The following NSMCE1 variants were observed in gnomAD, a reference collection of about 807,000 sequenced individuals.
The protein encoded by NSMCE1 is NSE1 component of SMC5/6 complex, also known as non-structural maintenance of chromosomes element 1 homolog.
Under a neutral mutation model 29.6 loss-of-function variants are expected in NSMCE1, and 18 were observed. That is an observed-to-expected ratio of 0.61 (90% CI 0.42 to 0.90). NSMCE1 has a LOEUF of 0.90. Ranked by LOEUF, NSMCE1 falls within the 40% of genes least tolerant of loss-of-function variation. The pLI is 0.00. For missense variants in NSMCE1, 314 were observed against 343.6 expected, an observed-to-expected ratio of 0.91 and a Z score of 0.68; for synonymous variants, 124 against 133.4, an observed-to-expected ratio of 0.93 and a Z score of 0.49.
intron 1 of NSMCE1, among the ~76,000 whole-genome samples, chr16:27,263,761 A>G (rs1466818451): frequency 6.6e-6 from 1 of 152,248 alleles, no homozygotes; most frequent in Non-Finnish European, 1.5e-5. Flanking sequence ...TTCAACATGT[A>G]CCTACACCAA....
chr16:27,263,239 C>G (rs2084181272), intron 1 of NSMCE1, among the ~76,000 whole-genome samples: 1 of 152,156 alleles, frequency 6.6e-6, no homozygotes, highest in Admixed American at 6.5e-5. Flanking sequence ...AAGACACATG[C>G]ACGGGAATGT....
chr16:27,258,628 G>T (rs1162929021), intron 1 of NSMCE1, among the ~76,000 whole-genome samples: 2 of 152,082 alleles, frequency 1.3e-5, no homozygotes, highest in Non-Finnish European at 2.9e-5. Context: ...CTAAAACTGG[G>T]AAACTAGTAG....
chr16:27,233,000 C>T lies in NSMCE1; in HGVS notation c.483+1G>A, dbSNP rs1001539039. ...AGGCTGGAAAAACCATGAGACAGTA[C>T]CTCAATCAGCCACTTGTTTTGAACA... On this transcript the variant is annotated splice_donor_variant, in intron 5 of 7. Coordinates refer to ENST00000361439, the MANE Select transcript of NSMCE1 (RefSeq NM_145080.4). LOFTEE classifies it high-confidence loss of function. The surrounding 1 kb of genome is among the most constrained non-coding windows in gnomAD (Gnocchi z 4.5). 4 of 1,613,258 alleles carry T rather than the reference C, an allele frequency of 2.5e-6. No homozygotes were observed. The highest frequency in any genetic ancestry group is 1.6e-4 in the Middle Eastern group (1 of 6,082).
At chr16:27,234,820 G>A (rs2083801338) in intron 3 of NSMCE1, among the ~76,000 whole-genome samples, 1 of 152,200 alleles carries the variant, frequency 6.6e-6, no homozygotes, top group Non-Finnish European at 1.5e-5. Context: ...TTTCACTCCT[G>A]GCTCTGCCAT....
intron 2 of NSMCE1, among the ~76,000 whole-genome samples, chr16:27,244,008 T>C (rs1270759894): frequency 1.3e-5 from 2 of 152,216 alleles, no homozygotes; most frequent in Non-Finnish European, 2.9e-5. Context: ...AAGCCACATA[T>C]GTACTTCTAA....
Position 27,225,002 on chromosome 16 carries a change from C to A in NSMCE1, c.*155G>T. On this transcript the variant is annotated 3_prime_UTR_variant, in exon 8 of 8. Coordinates refer to ENST00000361439, the MANE Select transcript of NSMCE1 (RefSeq NM_145080.4). ...CGAGAACACAGACGGGCTGCAGCAA[C>A]TTCCCAGGATGGTTTATTCCAAAGC... 2 of 591,090 alleles carry A rather than the reference C, an allele frequency of 3.4e-6. No homozygotes were observed. The highest frequency in any genetic ancestry group is 3.0e-6 in the Non-Finnish European group (1 of 330,118). 36.6% of individuals were successfully genotyped at this position (591,090 alleles called of 1,614,324 possible). A position where few individuals can be genotyped will look rare whatever the true frequency, so the allele number is the denominator to read the frequency against.
At chr16:27,236,359 C>G (rs2083825560) in intron 2 of NSMCE1, among the ~76,000 whole-genome samples, 1 of 142,898 alleles carries the variant, frequency 7.0e-6, no homozygotes, top group Non-Finnish European at 1.5e-5. Flanking sequence ...TGCAGTAGCA[C>G]AGTCTTGGCT....
chr16:27,237,740 C>A (rs899170285), intron 2 of NSMCE1, among the ~76,000 whole-genome samples: 1 of 152,232 alleles, frequency 6.6e-6, no homozygotes, highest in African/African-American at 2.4e-5. Context: ...ATCTATTGGA[C>A]TTTCCAGACA....
At chr16:27,227,783 C>CTTTTTTT (rs1239133211) in intron 5 of NSMCE1, among the ~76,000 whole-genome samples, 6 of 65,990 alleles carry the variant, frequency 9.1e-5, no homozygotes, top group Admixed American at 1.4e-4. Context: ...CTTTTCTTTT[C>CTTTTTTT]TTTTTTTTTT....
chr16:27,253,219 A>G (rs2084053411), intron 2 of NSMCE1, among the ~76,000 whole-genome samples: 1 of 152,238 alleles, frequency 6.6e-6, no homozygotes, highest in Admixed American at 6.5e-5. Context: ...CCACTGATGT[A>G]CAGCCATTGG....
chr16:27,225,886 A>G (rs200675037), intron 6 of NSMCE1, 40 bp from the exon 7 acceptor site: 1 of 1,609,992 alleles, frequency 6.2e-7, no homozygotes, highest in Non-Finnish European at 8.5e-7. Context: ...GCTGGTGCAC[A>G]CCTCCATGTT....
At chr16:27,255,355 T>C (rs1047969268) in intron 2 of NSMCE1, among the ~76,000 whole-genome samples, 1 of 152,234 alleles carries the variant, frequency 6.6e-6, no homozygotes, top group African/African-American at 2.4e-5. Context: ...CTGCTTTGAA[T>C]ACTTCAAGAG....
intron 2 of NSMCE1, among the ~76,000 whole-genome samples, chr16:27,247,947 C>A (rs1419391477): frequency 2.0e-5 from 3 of 151,196 alleles, no homozygotes; most frequent in Admixed American, 6.6e-5. Flanking sequence ...AAACAAAAAA[C>A]AAAACAAAAC....
intron 5 of NSMCE1, among the ~76,000 whole-genome samples, chr16:27,228,990 G>A (rs943997036): frequency 8.6e-5 from 13 of 151,698 alleles, no homozygotes; most frequent in African/African-American, 2.4e-4. Context: ...CTCCAGCAAC[G>A]CACTCGCTAC....
rs188466971 is a variant in NSMCE1 at position 27,260,328 on chromosome 16, C to T, written c.-11-2747G>A. On this transcript the variant is annotated intron_variant, in intron 1 of 7. Coordinates refer to ENST00000361439, the MANE Select transcript of NSMCE1 (RefSeq NM_145080.4). Reference sequence around the variant, plus strand: ...AAGCTGGACATGAATAAATTTTACACTTGCATTTTACAATTTCTAGAGTAA... The same window carrying T: ...AAGCTGGACATGAATAAATTTTACATTTGCATTTTACAATTTCTAGAGTAA... Among the ~76,000 whole-genome samples the T allele has an allele frequency of 1.2e-3, 184 of 152,146 alleles. 1 individual carries two copies. Among genetic ancestry groups the T allele is most frequent in the Admixed American group, 2.7e-3 (41 of 15,278 alleles).
chr16:27,225,840 T>C lies in NSMCE1; in HGVS notation c.607A>G (p.Ser203Gly). 6.2e-7 allele frequency: 1 copy of C among 1,614,032 alleles called. No homozygotes were observed. Among genetic ancestry groups the C allele is most frequent in the Non-Finnish European group, 8.5e-7 (1 of 1,179,976 alleles). Residue 203 changes from serine to glycine, a missense_variant, in exon 7 of 8, where the codon AGC (serine) becomes GGC (glycine). Coordinates refer to ENST00000361439, the MANE Select transcript of NSMCE1 (RefSeq NM_145080.4). ...ICHSLLIQGQ[S>G]CETCGIRMHL... ...ATCCTGATCCCACAGGTTTCGCAGC[T>C]TTGACCCTGAAACAGGAAAGGCCAA...
intron 2 of NSMCE1, among the ~76,000 whole-genome samples, chr16:27,235,561 G>A (rs1351496461): frequency 1.3e-5 from 2 of 152,174 alleles, no homozygotes; most frequent in African/African-American, 2.4e-5. Flanking sequence ...GGAGGCTGCC[G>A]CGGGCTTCCT....
At chr16:27,240,724 T>C (rs930289501) in intron 2 of NSMCE1, among the ~76,000 whole-genome samples, 10 of 152,238 alleles carry the variant, frequency 6.6e-5, no homozygotes, top group African/African-American at 1.7e-4. Flanking sequence ...TCAAGTCATC[T>C]TGAGAGATTT....
intron 6 of NSMCE1, 72 bp from the exon 7 acceptor site, chr16:27,225,918 A>T (rs1406597840): frequency 5.7e-6 from 9 of 1,587,940 alleles, no homozygotes; most frequent in African/African-American, 5.4e-5. Context: ...CGGGGAAGCC[A>T]CAAGGGAAAT....
Sources: gnomAD v4.1 joint callset for allele counts (sites outside exome capture counted in the v4.1 genomes callset) on GRCh38, gnomAD v4.1.1 for gene constraint, Gnocchi (gnomAD v3.1) non-coding constraint, MANE v1.5 for transcripts, NCBI Gene and HGNC (gene_info 2026-07-23, HGNC 2026-07-21) for gene names.